CACNA2D3: variants seen among roughly 807,000 people sequenced by gnomAD.
CACNA2D3 encodes the protein calcium voltage-gated channel auxiliary subunit alpha2delta 3.
CACNA2D3 carries 60 observed loss-of-function variants against 160.6 expected under a neutral mutation model. That is an observed-to-expected ratio of 0.37 (90% CI 0.30 to 0.46). The LOEUF is 0.46. Among genes scored for constraint, CACNA2D3 ranks in the 20% least tolerant of loss-of-function variants. The pLI is 1.00. For synonymous variants in CACNA2D3, 558 were observed against 492.9 expected, an observed-to-expected ratio of 1.13 and a Z score of -1.75; for missense variants, 1,205 against 1,365.0, an observed-to-expected ratio of 0.88 and a Z score of 1.85.
At chr3:54,826,629 G>A (rs957049662) in intron 14 of CACNA2D3, among the ~76,000 whole-genome samples, 2 of 152,122 alleles carry the variant, frequency 1.3e-5, no homozygotes, top group Admixed American at 6.5e-5. Flanking sequence ...TACTTCTGAA[G>A]CATCTGTCCC....
At chr3:54,144,051 G>T (rs1012061359) in intron 2 of CACNA2D3, among the ~76,000 whole-genome samples, 2 of 152,126 alleles carry the variant, frequency 1.3e-5, no homozygotes, top group Non-Finnish European at 2.9e-5. Context: ...CAAAAAGAAA[G>T]AAATTTCTGA....
At chr3:55,009,487 C>T (rs1453296810) in intron 34 of CACNA2D3, 44 bp downstream of exon 34, 18 of 1,549,084 alleles carry the variant, frequency 1.2e-5, no homozygotes, top group African/African-American at 6.8e-5. Context: ...GAGGGATAAG[C>T]GCTGGGTTCA....
rs186802192 is a variant in CACNA2D3, at chr3:54,183,772, C to G, written c.204+60178C>G. Among the ~76,000 whole-genome samples, 128 of 151,720 alleles carry G rather than the reference C, an allele frequency of 8.4e-4. No homozygotes were observed. The Middle Eastern group carries it at 0.01, about 12-fold the overall frequency. On this transcript the variant is annotated intron_variant, in intron 2 of 37. Transcript: ENST00000474759. ...TGGTGGCGCATGACTGTAATCCCAG[C>G]TACTCGGGAGGCTGAGGCAGGAGAA...
intron 4 of CACNA2D3, among the ~76,000 whole-genome samples, chr3:54,420,670 A>T (rs1425016570): frequency 2.6e-5 from 4 of 152,208 alleles, no homozygotes; most frequent in Admixed American, 6.5e-5. Context: ...TCCTCAGACC[A>T]ATCTCAGGGG....
chr3:54,370,487 A>G (rs1000588039), intron 3 of CACNA2D3, among the ~76,000 whole-genome samples: 1 of 152,202 alleles, frequency 6.6e-6, no homozygotes, highest in Non-Finnish European at 1.5e-5. Flanking sequence ...TGCTTAAAGG[A>G]GATTTCAGTC....
chr3:54,141,098 C>CGCACGCACGTGCGT (rs59730153), intron 2 of CACNA2D3, among the ~76,000 whole-genome samples: 3 of 64,744 alleles, frequency 4.6e-5, no homozygotes, highest in African/African-American at 1.4e-4. Flanking sequence ...CGCGCGCGCG[C>CGCACGCACGTGCGT]GTGTGTGCAT....
At chr3:55,051,554 T>G (rs1444218821) in intron 35 of CACNA2D3, among the ~76,000 whole-genome samples, 1 of 151,678 alleles carries the variant, frequency 6.6e-6, no homozygotes, top group Admixed American at 6.5e-5. Context: ...ACTGCTGTCT[T>G]TTTGTTTGTC....
intron 9 of CACNA2D3, among the ~76,000 whole-genome samples, chr3:54,585,321 A>G (rs1476413705): frequency 6.6e-6 from 1 of 152,222 alleles, no homozygotes; most frequent in Non-Finnish European, 1.5e-5. Context: ...GACAGTAATA[A>G]ATTACATATT....
At chr3:54,418,848 G>T (rs1446715790) in intron 4 of CACNA2D3, among the ~76,000 whole-genome samples, 1 of 152,084 alleles carries the variant, frequency 6.6e-6, no homozygotes, top group Non-Finnish European at 1.5e-5. Context: ...TATTATTGTC[G>T]TTATTATTTT....
intron 11 of CACNA2D3, among the ~76,000 whole-genome samples, chr3:54,741,359 C>G (rs970729161): frequency 6.6e-6 from 1 of 152,284 alleles, no homozygotes; most frequent in East Asian, 1.9e-4. Context: ...CTCCCTGCCC[C>G]TCAAGTCCCA....
At chr3:54,823,910 T>C (rs1438799928) in intron 14 of CACNA2D3, among the ~76,000 whole-genome samples, 2 of 152,238 alleles carry the variant, frequency 1.3e-5, no homozygotes, top group Non-Finnish European at 2.9e-5. Flanking sequence ...ATTATTTTTA[T>C]AAGTAAATGA....
intron 11 of CACNA2D3, among the ~76,000 whole-genome samples, chr3:54,654,725 TTCTGGG>T (rs1699845059): frequency 6.6e-6 from 1 of 151,552 alleles, no homozygotes; most frequent in African/African-American, 2.4e-5. Flanking sequence ...TAGGAGGGAG[TTCTGGG>T]GTCTCTGAAG....
intron 9 of CACNA2D3, among the ~76,000 whole-genome samples, chr3:54,612,136 G>T (rs572538664): frequency 6.6e-6 from 1 of 152,306 alleles, no homozygotes; most frequent in South Asian, 2.1e-4. Context: ...GGAAGGAAGT[G>T]AGGAAGAGAG....
chr3:54,916,980 C>G (rs772119554), intron 27 of CACNA2D3, among the ~76,000 whole-genome samples: 1 of 152,188 alleles, frequency 6.6e-6, no homozygotes, highest in Non-Finnish European at 1.5e-5. Context: ...CTGTCATGGC[C>G]TCTGGAGGGA....
intron 35 of CACNA2D3, among the ~76,000 whole-genome samples, chr3:55,020,397 A>G (rs1383698252): frequency 1.3e-5 from 2 of 149,050 alleles, no homozygotes; most frequent in Non-Finnish European, 3.0e-5. Context: ...TAAAATAAAT[A>G]TATAATACAT....
At chr3:54,167,868 T>C (rs2107306332) in intron 2 of CACNA2D3, among the ~76,000 whole-genome samples, 1 of 152,338 alleles carries the variant, frequency 6.6e-6, no homozygotes, top group Middle Eastern at 3.4e-3. Context: ...GGGCTCCCTG[T>C]AGATTCTTAT....
intron 24 of CACNA2D3, among the ~76,000 whole-genome samples, chr3:54,890,191 G>A (rs759384880): frequency 4.6e-5 from 7 of 152,122 alleles, no homozygotes; most frequent in Non-Finnish European, 7.4e-5. Context: ...TACATTTATT[G>A]TAGGATAAAA....
chr3:54,921,346 G>C (rs1700843960), intron 27 of CACNA2D3, among the ~76,000 whole-genome samples: 2 of 152,114 alleles, frequency 1.3e-5, no homozygotes, highest in Non-Finnish European at 2.9e-5. Context: ...AGATTGCTCT[G>C]AGGACTCAGT....
intron 33 of CACNA2D3, among the ~76,000 whole-genome samples, chr3:55,008,782 T>C (rs2107143847): frequency 6.6e-6 from 1 of 151,998 alleles, no homozygotes; most frequent in East Asian, 1.9e-4. Context: ...TGGAGGATAA[T>C]TTATATTATT....
Sources: allele counts gnomAD v4.1 joint callset (sites outside exome capture counted in the v4.1 genomes callset), GRCh38; gene constraint gnomAD v4.1.1; transcripts MANE v1.5; gene names NCBI Gene and HGNC (gene_info 2026-07-23, HGNC 2026-07-21).